ZNF700: variants seen among roughly 807,000 people sequenced by gnomAD.
ZNF700 encodes zinc finger protein 700.
A neutral mutation model predicts 65.3 loss-of-function variants in ZNF700; 38 were observed. The observed-to-expected ratio is 0.58, with a 90% confidence interval of 0.45 to 0.76. ZNF700 has a LOEUF of 0.76. ZNF700 is among the 30% of genes least tolerant of loss of function. The pLI, the probability that ZNF700 is intolerant of heterozygous loss-of-function variation, is 0.00. For missense variants in ZNF700, 857 were observed against 888.4 expected (o/e 0.96, Z 0.45); for synonymous variants, 285 against 290.4 (o/e 0.98, Z 0.19).
At chr19:11,942,692 G>A (rs1972904079) in intron 1 of ZNF700, among the ~76,000 whole-genome samples, 1 of 152,212 alleles carries the variant, frequency 6.6e-6, no homozygotes, top group Non-Finnish European at 1.5e-5. Flanking sequence ...ACAGGACAGA[G>A]CAGAACAGAA....
intron 1 of ZNF700, among the ~76,000 whole-genome samples, chr19:11,937,625 AC>A (rs1242988024): frequency 6.6e-6 from 1 of 151,564 alleles, no homozygotes; most frequent in Non-Finnish European, 1.5e-5. Context: ...AGTAACTGAG[AC>A]TACAGGTGCC....
At position 11,948,966 on chromosome 19, in the gene ZNF700, A is replaced by C. The variant is rs759385549; in HGVS notation, c.942A>C (p.Ala314=). The change falls in exon 4 of 4, where the codon GCA becomes GCC. Residue 314 remains alanine, a synonymous_variant. Coordinates refer to ENST00000254321, the MANE Select transcript of ZNF700 (RefSeq NM_144566.3). The stretch of plus-strand genomic sequence containing the variant: ...ATCAATGCAAAGAATGTGGAAAAGC[A>C]TTTGCATATACCAGTTCTCTTCGTA... The part of the protein sequence containing the change: ...KPYQCKECGK[A]FAYTSSLRRH... The C allele has an allele frequency of 1.2e-6, 2 of 1,608,462 alleles. No individual in the cohort carries two copies. The highest frequency in any genetic ancestry group is 2.2e-5 in the South Asian group (2 of 89,610).
intron 1 of ZNF700, among the ~76,000 whole-genome samples, chr19:11,943,821 A>G (rs10413462): frequency 6.6e-6 from 1 of 152,212 alleles, no homozygotes; most frequent in Non-Finnish European, 1.5e-5. Context: ...TTTAAGGAGA[A>G]TAAGTCCCAT....
At chr19:11,931,273 A>G (rs1471385121) in intron 1 of ZNF700, among the ~76,000 whole-genome samples, 1 of 147,982 alleles carries the variant, frequency 6.8e-6, no homozygotes. Flanking sequence ...TCTAGTGTCC[A>G]GCAAGGGCCC....
chr19:11,948,258 G>C lies in ZNF700; in HGVS notation c.252-18G>C. 1 of 1,607,610 alleles carries C rather than the reference G, an allele frequency of 6.2e-7. No individual in the cohort carries two copies. The highest frequency in any genetic ancestry group is 8.5e-7 in the Non-Finnish European group (1 of 1,178,144). ...CTTGTAAACAAACCCTTCATGATGT[G>C]TTTCTCATGTTTTACAGGAGTCTCA... On this transcript the variant is annotated intron_variant, in intron 3 of 3. Transcript: ENST00000254321.
intron 1 of ZNF700, among the ~76,000 whole-genome samples, chr19:11,925,825 T>G (rs889739003): frequency 6.6e-6 from 1 of 152,006 alleles, no homozygotes; most frequent in Admixed American, 6.5e-5. Context: ...AGGAGAGACC[T>G]TGGCCGAGGG....
chr19:11,930,408 A>G (rs1015621675), intron 1 of ZNF700, among the ~76,000 whole-genome samples: 1 of 148,606 alleles, frequency 6.7e-6, no homozygotes, highest in Non-Finnish European at 1.5e-5. Context: ...AGTTGACCAC[A>G]TGGAGGAACT....
intron 1 of ZNF700, among the ~76,000 whole-genome samples, chr19:11,946,091 G>T (rs567852687): frequency 1.4e-4 from 22 of 152,270 alleles, no homozygotes; most frequent in South Asian, 6.2e-4. Flanking sequence ...CCTGAGCCTG[G>T]TCCCCCTTAG....
In ZNF700 at chr19:11,927,015, G is replaced by A. The variant is rs562661862; in HGVS notation, c.63+1742G>A. 2.0e-5 allele frequency among the ~76,000 whole-genome samples: 3 copies of A among 152,228 alleles called. No individual in the cohort carries two copies. The South Asian group carries it at 6.2e-4, about 32-fold the overall frequency. ...GAGTTCTTGAATCTCACACAGGAAG[G>A]AATTCAAGACGAGTCACAAAGTGCA... On this transcript the variant is annotated intron_variant, in intron 1 of 3. Transcript: ENST00000254321.
At chr19:11,935,280 A>T (rs556320006) in intron 1 of ZNF700, among the ~76,000 whole-genome samples, 1 of 112,998 alleles carries the variant, frequency 8.8e-6, no homozygotes, top group South Asian at 3.2e-4. Flanking sequence ...TCTGTTGCCC[A>T]GTCTGGAGTG....
chr19:11,926,863 C>T (rs545848205), intron 1 of ZNF700, among the ~76,000 whole-genome samples: 1 of 152,088 alleles, frequency 6.6e-6, no homozygotes, highest in South Asian at 2.1e-4. Context: ...TTTATTCAAG[C>T]GGAAGGATAG....
In ZNF700 at chr19:11,949,423, A is replaced by G. The variant is rs1393282106; in HGVS notation, c.1399A>G (p.Thr467Ala). The G allele has an allele frequency of 1.9e-6, 3 of 1,613,496 alleles. No homozygotes were observed. Among genetic ancestry groups the G allele is most frequent in the Middle Eastern group, 1.7e-4 (1 of 6,060 alleles). ...STSHLRVHGR[T>A]HTGEKPYECK... ...CTCACACCTTCGAGTGCATGGTAGG[A>G]CTCATACTGGAGAGAAACCCTATGA... Residue 467 changes from threonine to alanine, a missense_variant, in exon 4 of 4, where the codon ACT (threonine) becomes GCT (alanine). Transcript: ENST00000254321.
At chr19:11,934,992 A>G (rs1159163636) in intron 1 of ZNF700, among the ~76,000 whole-genome samples, 1 of 146,444 alleles carries the variant, frequency 6.8e-6, no homozygotes, top group Non-Finnish European at 1.5e-5. Flanking sequence ...CCTGGCTAAC[A>G]CTGTGAAACC....
rs769475566 is a variant in ZNF700 at position 11,950,189 on chromosome 19, A to G, written c.2165A>G (p.His722Arg). The change falls in exon 4 of 4, where the codon CAC becomes CGC. Residue 722 changes from histidine to arginine, a missense_variant. Around this residue, in one of 3 missense-constraint regions of ZNF700, gnomAD observed 251 missense variants for 250.3 expected, o/e 1.00. Transcript: ENST00000254321. ...AFNYFSSLHI[H>R]ARTHMGEKPY... ...AATTATTTTTCTTCCTTGCATATAC[A>G]CGCAAGGACTCATATGGGAGAGAAG... is the stretch of plus-strand genomic sequence containing the variant. 1.2e-5 allele frequency: 20 copies of G among 1,613,858 alleles called. No individual in the cohort carries two copies. Among genetic ancestry groups the G allele is most frequent in the Non-Finnish European group, 1.7e-5 (20 of 1,179,940 alleles).
At chr19:11,932,027 A>G (rs1972721473) in intron 1 of ZNF700, among the ~76,000 whole-genome samples, 1 of 147,740 alleles carries the variant, frequency 6.8e-6, no homozygotes, top group Non-Finnish European at 1.5e-5. Context: ...AGGCAGGAGA[A>G]TCGCTTGAAC....
At chr19:11,943,273 A>G (rs1245878362) in intron 1 of ZNF700, among the ~76,000 whole-genome samples, 1 of 152,190 alleles carries the variant, frequency 6.6e-6, no homozygotes, top group Non-Finnish European at 1.5e-5. Context: ...TTGATTATTT[A>G]TATGCAGACA....
At chr19:11,934,210 G>C (rs2145279740) in intron 1 of ZNF700, among the ~76,000 whole-genome samples, 1 of 148,094 alleles carries the variant, frequency 6.8e-6, no homozygotes, top group South Asian at 2.1e-4. Context: ...CACCTTGTTT[G>C]AGTCTAGTTT....
intron 1 of ZNF700, among the ~76,000 whole-genome samples, chr19:11,941,833 G>A (rs1223401912): frequency 3.3e-5 from 5 of 152,222 alleles, no homozygotes; most frequent in African/African-American, 1.2e-4. Context: ...AGGGCTGTGA[G>A]GACTGCCAGC....
At position 11,925,265 on chromosome 19, in the gene ZNF700, C is replaced by T. The variant is rs1364773042; in HGVS notation, c.55C>T (p.Arg19Trp). ...AGAGGACCCCGGTACATCTGAAAGC[C>T]GGGAAATGGTGCGTGTGCGGGACCA... ...CREDPGTSES[R>W]EMDPVAFEDV... Residue 19 changes from arginine to tryptophan, a missense_variant, in exon 1 of 4, where the codon CGG (arginine) becomes TGG (tryptophan). Around this residue, in one of 3 missense-constraint regions of ZNF700, gnomAD observed 603 missense variants for 619.9 expected, o/e 0.97. Coordinates refer to ENST00000254321, the MANE Select transcript of ZNF700 (RefSeq NM_144566.3). 1.9e-6 allele frequency: 3 copies of T among 1,612,462 alleles called. No individual in the cohort carries two copies. Among genetic ancestry groups the T allele is most frequent in the African/African-American group, 2.7e-5 (2 of 74,992 alleles).
Sources: gnomAD v4.1 joint callset for allele counts (sites outside exome capture counted in the v4.1 genomes callset) on GRCh38, gnomAD v4.1.1 for gene constraint, gnomAD v4.1.1 regional missense constraint, MANE v1.5 for transcripts, NCBI Gene and HGNC (gene_info 2026-07-23, HGNC 2026-07-21) for gene names.